The following C10orf67 variants were observed in gnomAD, a reference collection of about 807,000 sequenced individuals.
C10orf67 encodes the protein uncharacterized protein C10orf67, mitochondrial.
In C10orf67, 60 loss-of-function variants were observed where a neutral mutation model predicts 35.6. The ratio of observed to expected loss-of-function variants is 1.68; its 90% CI spans 1.37 to 2.09. The LOEUF (loss-of-function observed/expected upper bound fraction) is 2.09. Ranked by LOEUF, C10orf67 falls within the 30% of genes most tolerant of loss-of-function variation. The probability of loss-of-function intolerance (pLI) is 0.00; values close to 1 mark genes in which losing one functional copy is unlikely to be tolerated. For missense variants in C10orf67, 474 were observed against 330.2 expected, an observed-to-expected ratio of 1.44 and a Z score of -3.38; for synonymous variants, 167 against 115.8, an observed-to-expected ratio of 1.44 and a Z score of -2.84.
chr10:23,313,329 T>G (rs149259769), intron 4 of C10orf67, among the ~76,000 whole-genome samples: 1 of 152,148 alleles, frequency 6.6e-6, no homozygotes, highest in Non-Finnish European at 1.5e-5. Context: ...AAAACGTGAG[T>G]GAAAGAACAG....
chr10:23,300,694 T>A (rs904856073), intron 5 of C10orf67, among the ~76,000 whole-genome samples: 1 of 152,172 alleles, frequency 6.6e-6, no homozygotes, highest in African/African-American at 2.4e-5. Flanking sequence ...GGCTTCCTCC[T>A]AGTTTCCCTT....
chr10:23,272,665 C>T (rs1256753542), intron 8 of C10orf67, among the ~76,000 whole-genome samples: 1 of 152,114 alleles, frequency 6.6e-6, no homozygotes, highest in Admixed American at 6.5e-5. Context: ...TTAGCTATCC[C>T]AGGTCTTGTG....
At chr10:23,212,082 A>G (rs1446861078) in intron 15 of C10orf67, among the ~76,000 whole-genome samples, 1 of 152,186 alleles carries the variant, frequency 6.6e-6, no homozygotes, top group Non-Finnish European at 1.5e-5. Flanking sequence ...TTAACCCAGT[A>G]TGTCTGTGTC....
At chr10:23,312,682 C>T (rs1011962094) in intron 4 of C10orf67, among the ~76,000 whole-genome samples, 11 of 152,156 alleles carry the variant, frequency 7.2e-5, no homozygotes, top group South Asian at 2.1e-4. Context: ...ATATATGTAT[C>T]TGTGATGATT....
At chr10:23,248,630 A>T (rs998821151) in intron 12 of C10orf67, among the ~76,000 whole-genome samples, 1 of 152,196 alleles carries the variant, frequency 6.6e-6, no homozygotes, top group Non-Finnish European at 1.5e-5. Context: ...TGAAATTACC[A>T]TGTTAGCCCA....
At chr10:23,279,009 T>C (rs1431459687) in intron 8 of C10orf67, among the ~76,000 whole-genome samples, 1 of 152,092 alleles carries the variant, frequency 6.6e-6, no homozygotes, top group East Asian at 1.9e-4. Context: ...CCCAACACTT[T>C]AGGAGGCTGA....
intron 8 of C10orf67, among the ~76,000 whole-genome samples, chr10:23,279,098 A>C (rs902912419): frequency 1.3e-5 from 2 of 152,184 alleles, no homozygotes; most frequent in Non-Finnish European, 2.9e-5. Flanking sequence ...TATTTTATAA[A>C]TGTTATTTTA....
At chr10:23,208,664 A>G (rs1255174642) in intron 15 of C10orf67, among the ~76,000 whole-genome samples, 1 of 152,194 alleles carries the variant, frequency 6.6e-6, no homozygotes, top group Non-Finnish European at 1.5e-5. Context: ...GAATGAGTGA[A>G]TGGATTAACA....
At chr10:23,279,179 A>G (rs1843289023) in intron 8 of C10orf67, among the ~76,000 whole-genome samples, 1 of 152,248 alleles carries the variant, frequency 6.6e-6, no homozygotes. Context: ...TTGACTGACC[A>G]GTGGGCAGAG....
intron 1 of C10orf67, among the ~76,000 whole-genome samples, chr10:23,343,733 T>C (rs889340295): frequency 5.9e-5 from 9 of 152,132 alleles, no homozygotes; most frequent in East Asian, 1.9e-4. Context: ...TGTCCAGCTA[T>C]ACACTTGAAG....
chr10:23,218,836 G>T (rs1316023431), intron 15 of C10orf67, among the ~76,000 whole-genome samples: 1 of 152,118 alleles, frequency 6.6e-6, no homozygotes, highest in Non-Finnish European at 1.5e-5. Flanking sequence ...TATAAAATGT[G>T]CACTTGAATA....
chr10:23,285,455 T>C (rs539019817), intron 7 of C10orf67, among the ~76,000 whole-genome samples: 1 of 150,830 alleles, frequency 6.6e-6, no homozygotes, highest in South Asian at 2.1e-4. Context: ...TTTTGAATTT[T>C]ATAGTAGCTG....
chr10:23,324,626 A>G lies in C10orf67; in HGVS notation c.328-2089T>C, dbSNP rs78986546. Among the ~76,000 whole-genome samples, 384 of 152,296 alleles carry G rather than the reference A, an allele frequency of 2.5e-3. 4 individuals are homozygous for G. The highest frequency in any genetic ancestry group is 4.2e-3 in the Non-Finnish European group (285 of 68,024). On this transcript the variant is annotated intron_variant, in intron 2 of 15. Coordinates refer to ENST00000636213, the MANE Select transcript of C10orf67 (RefSeq NM_001371909.1). ...CTTCTAATAGCAGCAAATGCATTCA[A>G]GCTCCATTGAAGCCTGCCTTCCTAG...
At chr10:23,308,311 CTTG>C (rs1379204411) in intron 4 of C10orf67, among the ~76,000 whole-genome samples, 6 of 152,198 alleles carry the variant, frequency 3.9e-5, no homozygotes, top group African/African-American at 1.4e-4. Context: ...CTCCCTGCCT[CTTG>C]TTTTGTCACT....
At chr10:23,321,893 T>G (rs575405255) in intron 3 of C10orf67, among the ~76,000 whole-genome samples, 1 of 152,228 alleles carries the variant, frequency 6.6e-6, no homozygotes, top group Non-Finnish European at 1.5e-5. Context: ...CTCAAGTGAT[T>G]CCCCTGTCTC....
intron 7 of C10orf67, among the ~76,000 whole-genome samples, chr10:23,283,070 A>ATTGTT (rs1843415928): frequency 6.6e-6 from 1 of 152,172 alleles, no homozygotes; most frequent in African/African-American, 2.4e-5. Context: ...GTATAAATGG[A>ATTGTT]TTGTTCGTAA....
At chr10:23,272,634 T>A (rs1221518267) in intron 8 of C10orf67, among the ~76,000 whole-genome samples, 1 of 152,214 alleles carries the variant, frequency 6.6e-6, no homozygotes, top group Non-Finnish European at 1.5e-5. Context: ...TCTTCCAACT[T>A]TGCTCTTTTT....
chr10:23,296,582 G>A (rs1203365269), intron 5 of C10orf67, among the ~76,000 whole-genome samples: 3 of 152,254 alleles, frequency 2.0e-5, no homozygotes, highest in South Asian at 2.1e-4. Context: ...GCTGATGACC[G>A]CTCTAATTGC....
intron 13 of C10orf67, among the ~76,000 whole-genome samples, chr10:23,237,741 T>A (rs144512173): frequency 2.3e-4 from 35 of 152,250 alleles, no homozygotes; most frequent in Non-Finnish European, 4.7e-4. Context: ...AACTAATCTG[T>A]AGTGATAGAA....
Sources: allele counts gnomAD v4.1 joint callset (sites outside exome capture counted in the v4.1 genomes callset), GRCh38; gene constraint gnomAD v4.1.1; transcripts MANE v1.5; gene names NCBI Gene and HGNC (gene_info 2026-07-23, HGNC 2026-07-21).